The following SYT2 variants were observed in gnomAD, a reference collection of about 807,000 sequenced individuals.
SYT2 encodes synaptotagmin-2.
Under a neutral mutation model 39.9 loss-of-function variants are expected in SYT2, and 15 were observed. That is an observed-to-expected ratio of 0.38 (90% CI 0.25 to 0.58). The LOEUF is 0.58. Ranked by LOEUF, SYT2 falls within the 20% of genes least tolerant of loss-of-function variation. The probability of loss-of-function intolerance (pLI) is 0.70; values close to 1 mark genes in which losing one functional copy is unlikely to be tolerated. For synonymous variants in SYT2, 181 were observed against 204.5 expected (o/e 0.89, Z 0.98); for missense variants, 389 against 530.3 (o/e 0.73, Z 2.62).
chr1:202,667,441 T>G (rs1211956643), intron 1 of SYT2, among the ~76,000 whole-genome samples: 1 of 150,820 alleles, frequency 6.6e-6, no homozygotes, highest in Non-Finnish European at 1.5e-5. Flanking sequence ...GGAAAGGATC[T>G]AAAGACAACA....
In SYT2 at chr1:202,592,833, G is replaced by T. The variant is rs913924702; in HGVS notation, c.*3924C>A. 5 of 152,192 alleles carry T rather than the reference G, an allele frequency of 3.3e-5. No individual in the cohort carries two copies. Among genetic ancestry groups the T allele is most frequent in the Admixed American group, 2.0e-4 (3 of 15,284 alleles). 9.4% of individuals were successfully genotyped at this position (152,192 alleles called of 1,614,324 possible). A position where few individuals can be genotyped will look rare whatever the true frequency, so the allele number is the denominator to read the frequency against. ...GGTAGGGTTCCCAGACACAATGCAG[G>T]ATGACCAGTTACATTTGAATTTCAG... is the stretch of plus-strand genomic sequence containing the variant. On this transcript the variant is annotated 3_prime_UTR_variant, in exon 9 of 9. Transcript: ENST00000367268.
intron 3 of SYT2, 22 bp from the exon 4 acceptor site, chr1:202,603,140 G>C: frequency 6.2e-7 from 1 of 1,613,790 alleles, no homozygotes; most frequent in Non-Finnish European, 8.5e-7. Context: ...GGGGGAGAGA[G>C]GGAACAAGTT....
chr1:202,670,090 G>A (rs1374015713), intron 1 of SYT2, among the ~76,000 whole-genome samples: 1 of 152,160 alleles, frequency 6.6e-6, no homozygotes, highest in Non-Finnish European at 1.5e-5. Flanking sequence ...AACCCAAGAG[G>A]GAGAAAGATT....
rs1278119380 is a variant in SYT2 at position 202,595,408 on chromosome 1, C to T, written c.*1349G>A. ...CCCTAATGGTAGGACGGGTCCTTCCCATAGGTCTCCCTGGGCCACTCCAGC... is the reference window on the plus strand; with the variant it reads ...CCCTAATGGTAGGACGGGTCCTTCCTATAGGTCTCCCTGGGCCACTCCAGC... On this transcript the variant is annotated 3_prime_UTR_variant, in exon 9 of 9. Coordinates refer to ENST00000367268, the MANE Select transcript of SYT2 (RefSeq NM_177402.5). The T allele has an allele frequency of 6.6e-6, 1 of 152,196 alleles. No homozygotes were observed. The highest frequency in any genetic ancestry group is 2.4e-5 in the African/African-American group (1 of 41,428). The allele number at this position is 152,196 out of a possible 1,614,324, so 9.4% of individuals were successfully genotyped here.
chr1:202,661,142 A>G (rs1692371179), intron 1 of SYT2, among the ~76,000 whole-genome samples: 1 of 152,012 alleles, frequency 6.6e-6, no homozygotes, highest in African/African-American at 2.4e-5. Flanking sequence ...AATGCTATGG[A>G]GTGCTGACTC....
chr1:202,602,109 A>G, intron 5 of SYT2, 52 bp from the exon 6 acceptor site: 7 of 1,530,124 alleles, frequency 4.6e-6, no homozygotes, highest in Non-Finnish European at 6.2e-6. Flanking sequence ...ACGCACCTCC[A>G]GGGGTGCTAT....
At chr1:202,660,552 G>A (rs1692357015) in intron 1 of SYT2, among the ~76,000 whole-genome samples, 1 of 152,236 alleles carries the variant, frequency 6.6e-6, no homozygotes, top group Non-Finnish European at 1.5e-5. Context: ...CAACTCCAGA[G>A]ATTTTGATTC....
chr1:202,644,520 G>A (rs555966881), intron 1 of SYT2, among the ~76,000 whole-genome samples: 1 of 152,104 alleles, frequency 6.6e-6, no homozygotes, highest in Non-Finnish European at 1.5e-5. Flanking sequence ...TTCTGCTGCT[G>A]TCCGGCCATT....
intron 1 of SYT2, chr1:202,643,313 T>C (rs1037071662): frequency 6.8e-6 from 1 of 148,048 alleles, no homozygotes; most frequent in Non-Finnish European, 1.5e-5. Context: ...CCTGAGCTGG[T>C]GGAGAGGGCG....
In SYT2 at chr1:202,601,852, C is replaced by T. The variant is rs1263220468; in HGVS notation, c.801+38G>A. On this transcript the variant is annotated intron_variant, in intron 6 of 8. Coordinates refer to ENST00000367268, the MANE Select transcript of SYT2 (RefSeq NM_177402.5). This position sits in a 1 kb window ranked among gnomAD's most constrained non-coding sequence, Gnocchi z 4.0. Reference sequence around the variant, plus strand: ...AGAGGTGGAAGCCCACCTGTACATTCGTCTTTCTGCCCAACCTGGCCTCAT... The same window carrying T: ...AGAGGTGGAAGCCCACCTGTACATTTGTCTTTCTGCCCAACCTGGCCTCAT... 4.4e-6 allele frequency: 7 copies of T among 1,597,898 alleles called. No homozygotes were observed. Among genetic ancestry groups the T allele is most frequent in the South Asian group, 3.4e-5 (3 of 88,860 alleles).
intron 1 of SYT2, among the ~76,000 whole-genome samples, chr1:202,656,161 C>T (rs1437625900): frequency 6.6e-6 from 1 of 152,192 alleles, no homozygotes; most frequent in East Asian, 1.9e-4. Flanking sequence ...CATATGCACA[C>T]TTGCATGCAT....
At chr1:202,694,191 A>G (rs1002022907) in intron 1 of SYT2, among the ~76,000 whole-genome samples, 1 of 152,148 alleles carries the variant, frequency 6.6e-6, no homozygotes, top group Non-Finnish European at 1.5e-5. Flanking sequence ...AGTTTTATGC[A>G]TTTTCTAGCA....
chr1:202,613,888 T>C (rs1237038107), intron 1 of SYT2, among the ~76,000 whole-genome samples: 1 of 152,238 alleles, frequency 6.6e-6, no homozygotes, highest in Non-Finnish European at 1.5e-5. Context: ...TGAAACTTGA[T>C]TTCTTCAATA....
chr1:202,663,257 C>T (rs932865225), intron 1 of SYT2, among the ~76,000 whole-genome samples: 2 of 152,186 alleles, frequency 1.3e-5, no homozygotes, highest in Admixed American at 1.3e-4. Flanking sequence ...GGTCATTACC[C>T]TCAGCAATAA....
chr1:202,663,099 T>G (rs762975780), intron 1 of SYT2, among the ~76,000 whole-genome samples: 19 of 151,952 alleles, frequency 1.3e-4, no homozygotes, highest in Admixed American at 3.9e-4. Context: ...TATGAGTATG[T>G]GGGGCAAGGG....
intron 1 of SYT2, among the ~76,000 whole-genome samples, chr1:202,626,536 C>T (rs191090449): frequency 3.3e-5 from 5 of 151,566 alleles, no homozygotes; most frequent in East Asian, 1.9e-4. Flanking sequence ...CCACCATGCC[C>T]GGCTCTTTTT....
intron 1 of SYT2, among the ~76,000 whole-genome samples, chr1:202,702,562 T>C (rs920376770): frequency 1.3e-5 from 2 of 152,148 alleles, no homozygotes; most frequent in African/African-American, 4.8e-5. Flanking sequence ...TGAGGATGGA[T>C]TTCAGTCCTA....
rs1227616827 is a variant in SYT2 at position 202,602,985 on chromosome 1, A to T, written c.465+14T>A. The T allele has an allele frequency of 7.1e-7, 1 of 1,411,212 alleles. No individual in the cohort carries two copies. Among genetic ancestry groups the T allele is most frequent in the Non-Finnish European group, 9.5e-7 (1 of 1,052,846 alleles). The allele number at this position is 1,411,212 out of a possible 1,614,324, so 87.4% of individuals were successfully genotyped here. ...CCCCATTCCCCCACTCTGCCCCCCC[A>T]CAGCCCTGCATACCTGATTAGCCTG... On this transcript the variant is annotated intron_variant, in intron 4 of 8. Transcript: ENST00000367268.
rs1477758955 is a variant in SYT2 at position 202,600,479 on chromosome 1, C to G, written c.802-5G>C. 1.2e-6 allele frequency: 2 copies of G among 1,613,804 alleles called. No individual in the cohort carries two copies. The highest frequency in any genetic ancestry group is 2.2e-5 in the East Asian group (1 of 44,878). On this transcript the variant is annotated splice_region_variant and splice_polypyrimidine_tract_variant and intron_variant, in intron 6 of 8. Coordinates refer to ENST00000367268, the MANE Select transcript of SYT2 (RefSeq NM_177402.5). ...GATGTCGCCCAGCTTCTCCGGCTGT[C>G]CAGGGGAAGAGCAGGACTTGGGTCA...
Sources: gnomAD v4.1 joint callset for allele counts (sites outside exome capture counted in the v4.1 genomes callset) on GRCh38, gnomAD v4.1.1 for gene constraint, Gnocchi (gnomAD v3.1) non-coding constraint, MANE v1.5 for transcripts, NCBI Gene and HGNC (gene_info 2026-07-23, HGNC 2026-07-21) for gene names.